Variants in TM9SF2 observed in about 807,000 individuals in gnomAD.
TM9SF2 encodes 76 kDa membrane protein.
TM9SF2 carries 13 observed loss-of-function variants against 84.9 expected under a neutral mutation model. The ratio of observed to expected loss-of-function variants is 0.15; its 90% CI spans 0.10 to 0.24. The LOEUF (loss-of-function observed/expected upper bound fraction) is 0.24. Among genes scored for constraint, TM9SF2 ranks in the 10% least tolerant of loss-of-function variants. TM9SF2 has a pLI of 1.00. For synonymous variants in TM9SF2, 273 were observed against 285.8 expected (o/e 0.96, Z 0.45); for missense variants, 562 against 818.5 (o/e 0.69, Z 3.82).
intron 9 of TM9SF2, 91 bp from the exon 10 acceptor site, chr13:99,543,772 T>C: frequency 4.0e-6 from 6 of 1,483,064 alleles, no homozygotes; most frequent in Non-Finnish European, 4.5e-6. Flanking sequence ...AAACCTGTTT[T>C]CTGTAACAGC....
intron 9 of TM9SF2, among the ~76,000 whole-genome samples, chr13:99,542,105 C>T (rs1216371802): frequency 2.7e-5 from 4 of 149,638 alleles, no homozygotes; most frequent in Non-Finnish European, 5.9e-5. Flanking sequence ...GAGCCAAGAT[C>T]GTGCCACTGC....
Position 99,546,413 on chromosome 13 carries a change from C to T in TM9SF2, c.1151-572C>T, listed in dbSNP as rs537601489. 8.5e-5 allele frequency among the ~76,000 whole-genome samples: 13 copies of T among 152,258 alleles called. 1 individual carries two copies. The South Asian group carries it at 1.7e-3, about 19-fold the overall frequency. On this transcript the variant is annotated intron_variant, in intron 10 of 16. Coordinates refer to ENST00000376387, the MANE Select transcript of TM9SF2 (RefSeq NM_004800.3). ...AGGGAAGAGCAAACAAAGCTAACCA[C>T]GTGAATAAGGTAGGGCCAGGGTTTC...
At chr13:99,540,476 G>T (rs2046253757) in intron 7 of TM9SF2, 4 of 256,086 alleles carry the variant, frequency 1.6e-5, no homozygotes, top group Admixed American at 5.6e-5. Flanking sequence ...AATACTTTTA[G>T]TAGGTATTAC....
chr13:99,517,052 G>A (rs540231484), intron 1 of TM9SF2, among the ~76,000 whole-genome samples: 5 of 152,120 alleles, frequency 3.3e-5, no homozygotes, highest in African/African-American at 1.2e-4. Context: ...AATTTAGAAA[G>A]CATTTAAAAA....
rs1005236066 is a variant in TM9SF2 at position 99,501,526 on chromosome 13, T to G, written c.-81T>G. ...CGGCTTCCTTTATCTCTGGCGGCCT[T>G]GTAGTCGTCTCCGAGACTCCCCACC... On this transcript the variant is annotated 5_prime_UTR_variant, in exon 1 of 17. Coordinates refer to ENST00000376387, the MANE Select transcript of TM9SF2 (RefSeq NM_004800.3). 3 of 1,527,962 alleles carry G rather than the reference T, an allele frequency of 2.0e-6. No homozygotes were observed. The highest frequency in any genetic ancestry group is 2.8e-5 in the African/African-American group (2 of 71,368). The allele number at this position is 1,527,962 out of a possible 1,614,324, so 94.7% of individuals were successfully genotyped here.
chr13:99,515,557 G>A (rs1166741988), intron 1 of TM9SF2, among the ~76,000 whole-genome samples: 2 of 152,184 alleles, frequency 1.3e-5, no homozygotes, highest in African/African-American at 4.8e-5. Flanking sequence ...GCCCTCTGTT[G>A]TATAGCATGA....
chr13:99,504,359 C>T (rs2046080016), intron 1 of TM9SF2, among the ~76,000 whole-genome samples: 1 of 152,122 alleles, frequency 6.6e-6, no homozygotes, highest in Non-Finnish European at 1.5e-5. Context: ...GATACTGTTA[C>T]CAACAGTTTT....
chr13:99,514,898 C>A (rs1159535286), intron 1 of TM9SF2, among the ~76,000 whole-genome samples: 1 of 152,168 alleles, frequency 6.6e-6, no homozygotes, highest in Non-Finnish European at 1.5e-5. Flanking sequence ...CTTGAATCTT[C>A]TCAAAAACTT....
chr13:99,517,732 A>G, intron 2 of TM9SF2, 51 bp downstream of exon 2: 1 of 1,282,158 alleles, frequency 7.8e-7, no homozygotes, highest in Non-Finnish European at 1.1e-6. Flanking sequence ...ACTCATCAGA[A>G]TTTTGTACAT....
intron 2 of TM9SF2, among the ~76,000 whole-genome samples, chr13:99,519,284 C>A (rs902893334): frequency 6.6e-6 from 1 of 151,224 alleles, no homozygotes; most frequent in Non-Finnish European, 1.5e-5. Context: ...TGGGAACTTC[C>A]CAGCCCCAGT....
intron 3 of TM9SF2, among the ~76,000 whole-genome samples, chr13:99,525,917 C>T (rs111489607): frequency 6.6e-6 from 1 of 152,036 alleles, no homozygotes. Context: ...TCAGTAGATA[C>T]GGGAAAAGTG....
intron 1 of TM9SF2, among the ~76,000 whole-genome samples, chr13:99,515,157 A>G (rs2046128715): frequency 6.6e-6 from 1 of 152,262 alleles, no homozygotes. Flanking sequence ...TTGAAAAACA[A>G]AACATAGAAA....
At chr13:99,540,492 ATTCTT>A in intron 7 of TM9SF2, 1 of 323,732 alleles carries the variant, frequency 3.1e-6, no homozygotes, top group Non-Finnish European at 5.5e-6. Context: ...ATTACTAGGA[ATTCTT>A]TTTTTTTTTT....
intron 15 of TM9SF2, among the ~76,000 whole-genome samples, chr13:99,556,266 A>C (rs987097938): frequency 2.0e-5 from 3 of 152,220 alleles, no homozygotes; most frequent in African/African-American, 7.2e-5. Flanking sequence ...CAGAAAATGA[A>C]CCATTTTGAA....
chr13:99,517,799 A>C (rs2046141166), intron 2 of TM9SF2, 118 bp downstream of exon 2: 1 of 558,776 alleles, frequency 1.8e-6, no homozygotes, highest in African/African-American at 2.0e-5. Context: ...TTTAAGGTGT[A>C]CTCTTCCAAG....
chr13:99,554,764 A>C (rs2139110923), intron 14 of TM9SF2, among the ~76,000 whole-genome samples: 2 of 152,328 alleles, frequency 1.3e-5, no homozygotes, highest in Non-Finnish European at 2.9e-5. Context: ...TTGTAAGTTG[A>C]GTAATTTGCT....
chr13:99,545,177 A>G (rs7140000), intron 10 of TM9SF2, among the ~76,000 whole-genome samples: 2,554 of 152,288 alleles, frequency 0.017, 73 homozygotes, highest in African/African-American at 0.058. Flanking sequence ...ATAATACCAC[A>G]GTTATTTTTG....
chr13:99,520,851 T>G (rs2046156499), intron 3 of TM9SF2, among the ~76,000 whole-genome samples: 1 of 152,248 alleles, frequency 6.6e-6, no homozygotes, highest in Non-Finnish European at 1.5e-5. Flanking sequence ...ATTACAGATT[T>G]GAGCCAGTAT....
At chr13:99,543,435 A>T (rs2046269275) in intron 9 of TM9SF2, among the ~76,000 whole-genome samples, 2 of 152,222 alleles carry the variant, frequency 1.3e-5, no homozygotes, top group African/African-American at 4.8e-5. Flanking sequence ...GAATGTTTAC[A>T]TCCATGCTTA....
Sources: gnomAD v4.1 joint callset for allele counts (sites outside exome capture counted in the v4.1 genomes callset) on GRCh38, gnomAD v4.1.1 for gene constraint, MANE v1.5 for transcripts, NCBI Gene and HGNC (gene_info 2026-07-23, HGNC 2026-07-21) for gene names.